The following MAP4 variants were observed in gnomAD, a reference collection of about 807,000 sequenced individuals.
The protein encoded by MAP4 is microtubule associated protein 4.
MAP4 carries 76 observed loss-of-function variants against 170.2 expected under a neutral mutation model. The ratio of observed to expected loss-of-function variants is 0.45; its 90% CI spans 0.37 to 0.54. The LOEUF is 0.54. MAP4 is among the 20% of genes least tolerant of loss of function. The pLI, the probability that MAP4 is intolerant of heterozygous loss-of-function variation, is 0.00. For synonymous variants in MAP4, 909 were observed against 994.5 expected (o/e 0.91, Z 1.62); for missense variants, 2,506 against 2,748.0 (o/e 0.91, Z 1.97).
chr3:47,915,822 A>C, intron 7 of MAP4, 129 bp downstream of exon 7: 1 of 979,724 alleles, frequency 1.0e-6, no homozygotes, highest in African/African-American at 1.6e-5. Flanking sequence ...CTAGGAGAGC[A>C]GGAGTATGAA....
At chr3:47,981,334 G>T (rs1423623618) in intron 2 of MAP4, among the ~76,000 whole-genome samples, 2 of 152,050 alleles carry the variant, frequency 1.3e-5, no homozygotes, top group Non-Finnish European at 2.9e-5. Flanking sequence ...GCAGAGGGGT[G>T]TCTTGAGTCC....
At chr3:47,980,104 A>G (rs1055276043) in intron 2 of MAP4, among the ~76,000 whole-genome samples, 7 of 152,192 alleles carry the variant, frequency 4.6e-5, no homozygotes, top group African/African-American at 7.2e-5. Context: ...AAGTGTTGGT[A>G]TTACAGGTGT....
intron 3 of MAP4, among the ~76,000 whole-genome samples, chr3:47,945,926 C>G (rs2100059564): frequency 6.6e-6 from 1 of 151,004 alleles, no homozygotes; most frequent in Non-Finnish European, 1.5e-5. Flanking sequence ...GTTGCCAAGA[C>G]TGGTTTTATT....
intron 1 of MAP4, among the ~76,000 whole-genome samples, chr3:48,067,039 A>C (rs1041282626): frequency 6.6e-6 from 1 of 151,716 alleles, no homozygotes; most frequent in Admixed American, 6.6e-5. Context: ...ATGGGGTTTC[A>C]CCATGCTAGC....
intron 1 of MAP4, among the ~76,000 whole-genome samples, chr3:48,061,364 C>T (rs1349854153): frequency 6.6e-6 from 1 of 152,134 alleles, no homozygotes; most frequent in Non-Finnish European, 1.5e-5. Flanking sequence ...GACCGGTTTT[C>T]GTATTTTTTT....
chr3:48,002,478 C>G (rs1321994013), intron 1 of MAP4, among the ~76,000 whole-genome samples: 1 of 151,880 alleles, frequency 6.6e-6, no homozygotes, highest in Non-Finnish European at 1.5e-5. Context: ...GTCACAATCG[C>G]TTGAACCCGG....
intron 1 of MAP4, among the ~76,000 whole-genome samples, chr3:48,022,512 A>AG (rs1386334598): frequency 6.6e-6 from 1 of 152,176 alleles, no homozygotes; most frequent in Non-Finnish European, 1.5e-5. Flanking sequence ...TTTAAAACTG[A>AG]GAAAAACTAT....
intron 1 of MAP4, among the ~76,000 whole-genome samples, chr3:48,081,171 T>A (rs1026609808): frequency 6.6e-6 from 1 of 151,658 alleles, no homozygotes; most frequent in Non-Finnish European, 1.5e-5. Flanking sequence ...GCGCCTGTAG[T>A]CCCAGCTACT....
intron 3 of MAP4, among the ~76,000 whole-genome samples, chr3:47,944,441 TA>T (rs1423841261): frequency 6.6e-5 from 10 of 152,100 alleles, no homozygotes; most frequent in African/African-American, 2.4e-4. Context: ...AAAATGATAT[TA>T]TATGACTGCT....
intron 1 of MAP4, among the ~76,000 whole-genome samples, chr3:48,031,393 T>C (rs915567317): frequency 6.6e-6 from 1 of 151,998 alleles, no homozygotes; most frequent in Non-Finnish European, 1.5e-5. Context: ...CTACTAAAAA[T>C]ACAAAAAGTT....
chr3:48,042,648 T>C (rs189153826), intron 1 of MAP4, among the ~76,000 whole-genome samples: 9 of 152,242 alleles, frequency 5.9e-5, no homozygotes, highest in Admixed American at 5.2e-4. Context: ...GGAACCCTCA[T>C]ATACTGCTAA....
rs189359069 is a variant in MAP4 at position 48,059,331 on chromosome 3, A to G, written c.-20+29442T>C. On this transcript the variant is annotated intron_variant, in intron 1 of 18. Coordinates refer to the MAP4 transcript ENST00000360240. ...GTGGTTCGAGACCACCCTGGGCAAC[A>G]TGGTGAAACCCCGTTTCTACTAAAA... 3.9e-3 allele frequency among the ~76,000 whole-genome samples: 585 copies of G among 151,932 alleles called. 4 individuals carry two copies. Among genetic ancestry groups the G allele is most frequent in the African/African-American group, 0.014 (566 of 41,444 alleles).
At chr3:47,898,458 C>T (rs1559962212) in intron 10 of MAP4, among the ~76,000 whole-genome samples, 1 of 150,998 alleles carries the variant, frequency 6.6e-6, no homozygotes, top group Non-Finnish European at 1.5e-5. Flanking sequence ...GCTGAGATCG[C>T]GCCACTGCAC....
At chr3:48,037,237 T>C (rs1481969961) in intron 1 of MAP4, among the ~76,000 whole-genome samples, 4 of 152,242 alleles carry the variant, frequency 2.6e-5, no homozygotes, top group Non-Finnish European at 5.9e-5. Context: ...GGATTGATCC[T>C]ATATACTCAA....
rs142440537 is a variant in MAP4, at chr3:47,975,377, G to A, written c.292+2488C>T. On this transcript the variant is annotated intron_variant, in intron 3 of 20. Transcript: ENST00000683076. Reference sequence around the variant, plus strand: ...AATGAAAAGCAAAGCTCTGCAAAATGCTGAAGGTTTTAGAAGTATAACGAT... The same window carrying A: ...AATGAAAAGCAAAGCTCTGCAAAATACTGAAGGTTTTAGAAGTATAACGAT... The A allele has an allele frequency of 1.5e-5, 23 of 1,551,940 alleles. No homozygotes were observed. The African/African-American group carries it at 2.5e-4, about 17-fold the overall frequency.
chr3:48,060,272 T>A (rs1233245292), intron 1 of MAP4, among the ~76,000 whole-genome samples: 1 of 152,130 alleles, frequency 6.6e-6, no homozygotes, highest in Non-Finnish European at 1.5e-5. Flanking sequence ...AAATGGTACA[T>A]GGTCATGAAC....
intron 6 of MAP4, among the ~76,000 whole-genome samples, chr3:47,918,053 G>A (rs2100040724): frequency 6.6e-6 from 1 of 151,998 alleles, no homozygotes; most frequent in African/African-American, 2.4e-5. Flanking sequence ...CGCAATCTCG[G>A]CTGACAGCAA....
chr3:48,083,799 TC>T (rs527422054), intron 1 of MAP4, among the ~76,000 whole-genome samples: 32 of 151,460 alleles, frequency 2.1e-4, no homozygotes, highest in Non-Finnish European at 3.5e-4. Flanking sequence ...TGATCTTGGC[TC>T]CCTGCAACCT....
Position 47,892,120 on chromosome 3 carries a change from C to T in MAP4, c.5434+10830G>A, listed in dbSNP as rs973979077. ...GTCCCAGATGGAACTCGGAGGTCTT[C>T]TGGTGTACCGAGTTCCCCTCCAAGG... On this transcript the variant is annotated intron_variant, in intron 10 of 20. Coordinates refer to ENST00000683076, the MANE Select transcript of MAP4 (RefSeq NM_001385682.1). The T allele has an allele frequency of 2.6e-6, 4 of 1,536,078 alleles. No homozygotes were observed. In the African/African-American group the frequency reaches 4.1e-5, roughly 16 times the overall value.
Sources: allele counts gnomAD v4.1 joint callset (sites outside exome capture counted in the v4.1 genomes callset), GRCh38; gene constraint gnomAD v4.1.1; transcripts MANE v1.5; gene names NCBI Gene and HGNC (gene_info 2026-07-23, HGNC 2026-07-21).